The following CSNK1G2 variants were observed in gnomAD, a reference collection of about 807,000 sequenced individuals.
CSNK1G2 encodes casein kinase 1 gamma 2.
CSNK1G2 carries 11 observed loss-of-function variants against 48.0 expected under a neutral mutation model. The ratio of observed to expected loss-of-function variants is 0.23; its 90% CI spans 0.14 to 0.38. The LOEUF is 0.38. Among genes scored for constraint, CSNK1G2 ranks in the 10% least tolerant of loss-of-function variants. CSNK1G2 has a pLI of 1.00. For synonymous variants in CSNK1G2, 337 were observed against 254.1 expected (o/e 1.33, Z -3.10); for missense variants, 446 against 595.5 (o/e 0.75, Z 2.61).
At chr19:1,966,122 C>T (rs145788976) in intron 1 of CSNK1G2, among the ~76,000 whole-genome samples, 83 of 152,316 alleles carry the variant, frequency 5.4e-4, no homozygotes, top group African/African-American at 1.8e-3. Flanking sequence ...TTGAGAAATA[C>T]ATTTGTAAGG....
chr19:1,960,301 C>A (rs2145543532), intron 1 of CSNK1G2, among the ~76,000 whole-genome samples: 1 of 152,368 alleles, frequency 6.6e-6, no homozygotes, highest in Admixed American at 6.5e-5. Flanking sequence ...CACGCAGTCC[C>A]CTGAGATGGC....
intron 1 of CSNK1G2, among the ~76,000 whole-genome samples, chr19:1,961,427 AG>A (rs1487908220): frequency 6.6e-6 from 1 of 152,228 alleles, no homozygotes; most frequent in Non-Finnish European, 1.5e-5. Flanking sequence ...GCCCATGCTG[AG>A]GAGCCTCGCA....
At chr19:1,946,256 C>CTATT (rs1184913361) in intron 1 of CSNK1G2, among the ~76,000 whole-genome samples, 3 of 90,574 alleles carry the variant, frequency 3.3e-5, no homozygotes, top group Non-Finnish European at 8.0e-5. Context: ...TGGCCCATCA[C>CTATT]TATTTATTCG....
Position 1,951,518 on chromosome 19 carries a change from C to T in CSNK1G2, c.-266+10100C>T, listed in dbSNP as rs1206199637. 2.7e-5 allele frequency among the ~76,000 whole-genome samples: 4 copies of T among 146,444 alleles called. No individual in the cohort carries two copies. The East Asian group carries it at 8.4e-4, about 31-fold the overall frequency. ...CAGCTGCCTGTGTCCTCTGGGGCTC[C>T]CTGAGGAGGCAGCACCAGCTGTGGT... is the stretch of plus-strand genomic sequence containing the variant. On this transcript the variant is annotated intron_variant, in intron 1 of 11. Coordinates refer to ENST00000255641, the MANE Select transcript of CSNK1G2 (RefSeq NM_001319.7).
rs1179551252 is a variant in CSNK1G2, at chr19:1,954,224, G to A, written c.-266+12806G>A. ...CATTGTGGAGGGCGCCCTTCCGTCT[G>A]CCCTGCGTCACTGGGCTGGGCCTGG... On this transcript the variant is annotated intron_variant, in intron 1 of 11. Coordinates refer to ENST00000255641, the MANE Select transcript of CSNK1G2 (RefSeq NM_001319.7). The A allele has an allele frequency of 1.2e-5, 4 of 343,994 alleles. No individual in the cohort carries two copies. The East Asian group carries it at 2.2e-4, about 19-fold the overall frequency. The allele number at this position is 343,994 out of a possible 1,614,324, so 21.3% of individuals were successfully genotyped here.
chr19:1,968,458 G>A (rs925650570), intron 1 of CSNK1G2, among the ~76,000 whole-genome samples: 17 of 152,294 alleles, frequency 1.1e-4, no homozygotes, highest in African/African-American at 2.9e-4. Flanking sequence ...CATGCCAGCC[G>A]GGGCTGGCTG....
chr19:1,970,897 T>G (rs1437570844), intron 2 of CSNK1G2, among the ~76,000 whole-genome samples: 5 of 151,158 alleles, frequency 3.3e-5, no homozygotes, highest in African/African-American at 9.7e-5. Context: ...GCGGTGCCCA[T>G]GGCACCCATG....
chr19:1,946,254 C>G (rs542667883), intron 1 of CSNK1G2, among the ~76,000 whole-genome samples: 1 of 98,162 alleles, frequency 1.0e-5, no homozygotes, highest in South Asian at 3.7e-4. Flanking sequence ...GCTGGCCCAT[C>G]ACTATTTATT....
intron 1 of CSNK1G2, among the ~76,000 whole-genome samples, chr19:1,960,326 G>A (rs1056657603): frequency 6.6e-6 from 1 of 152,174 alleles, no homozygotes; most frequent in African/African-American, 2.4e-5. Flanking sequence ...ACGTCCTGCC[G>A]CTTTCTGGCA....
At chr19:1,946,677 A>G (rs1231877110) in intron 1 of CSNK1G2, among the ~76,000 whole-genome samples, 3 of 150,430 alleles carry the variant, frequency 2.0e-5, no homozygotes, top group South Asian at 4.2e-4. Flanking sequence ...CAGTGGCGCA[A>G]TCTTGGCTCA....
At chr19:1,946,107 G>C (rs954450040) in intron 1 of CSNK1G2, among the ~76,000 whole-genome samples, 5 of 152,004 alleles carry the variant, frequency 3.3e-5, no homozygotes, top group East Asian at 1.9e-4. Context: ...GGCCTATCCC[G>C]GGGAGGTCAC....
intron 1 of CSNK1G2, among the ~76,000 whole-genome samples, chr19:1,948,242 G>A (rs892149344): frequency 1.3e-5 from 2 of 152,172 alleles, no homozygotes; most frequent in Admixed American, 6.5e-5. Flanking sequence ...TAACGATCCC[G>A]GCCGGGCGTG....
chr19:1,979,464 C>A, intron 8 of CSNK1G2, 31 bp from the exon 9 acceptor site: 2 of 1,519,796 alleles, frequency 1.3e-6, no homozygotes, highest in East Asian at 2.4e-5. Context: ...CCCCCACCCC[C>A]GCCGAGGCCC....
At chr19:1,958,301 T>C (rs1422801629) in intron 1 of CSNK1G2, among the ~76,000 whole-genome samples, 1 of 151,716 alleles carries the variant, frequency 6.6e-6, no homozygotes, top group Non-Finnish European at 1.5e-5. Flanking sequence ...GCAGCGAGTG[T>C]GTATGTTAGG....
chr19:1,944,636 G>A (rs1034733191), intron 1 of CSNK1G2, among the ~76,000 whole-genome samples: 1 of 151,986 alleles, frequency 6.6e-6, no homozygotes, highest in African/African-American at 2.4e-5. Context: ...CCTGTGACTG[G>A]CACGTGGGTG....
In CSNK1G2 at chr19:1,979,413, C is replaced by A. The variant is rs777115623; in HGVS notation, c.853+10C>A. Reference sequence around the variant, plus strand: ...TGCGAGAACTTCCCAGGTAAGGGGTCCCTGCGCCCCCGCCCTGTGCCCCCC... The same window carrying A: ...TGCGAGAACTTCCCAGGTAAGGGGTACCTGCGCCCCCGCCCTGTGCCCCCC... On this transcript the variant is annotated intron_variant, in intron 8 of 11. Transcript: ENST00000255641. The A allele has an allele frequency of 1.1e-5, 17 of 1,552,588 alleles. No homozygotes were observed. The highest frequency in any genetic ancestry group is 1.4e-5 in the Non-Finnish European group (16 of 1,149,100).
rs1374217066 is a variant in CSNK1G2, at chr19:1,980,278, G to A, written c.*75G>A. The A allele has an allele frequency of 1.9e-6, 3 of 1,568,738 alleles. No individual in the cohort carries two copies. The African/African-American group carries it at 4.1e-5, about 21-fold the overall frequency. On this transcript the variant is annotated 3_prime_UTR_variant, in exon 12 of 12. Transcript: ENST00000255641. ...CGCGACCTTGTGCGAGGCCCTCGGG[G>A]CCCACCCACAGCGGCCCAGGGCCAG...
chr19:1,950,196 G>A (rs989851359), intron 1 of CSNK1G2, among the ~76,000 whole-genome samples: 1 of 152,008 alleles, frequency 6.6e-6, no homozygotes, highest in Non-Finnish European at 1.5e-5. Flanking sequence ...CTGGAGTGTG[G>A]TGGCGTGAGC....
At chr19:1,980,100 C>T (rs1309950411) in intron 11 of CSNK1G2, 49 bp from the exon 12 acceptor site, 3 of 1,608,838 alleles carry the variant, frequency 1.9e-6, no homozygotes, top group Admixed American at 1.7e-5. Flanking sequence ...GCCTGGGCTG[C>T]CCCCGCCCTG....
Sources: allele counts gnomAD v4.1 joint callset (sites outside exome capture counted in the v4.1 genomes callset), GRCh38; gene constraint gnomAD v4.1.1; transcripts MANE v1.5; gene names NCBI Gene and HGNC (gene_info 2026-07-23, HGNC 2026-07-21).